Variants in HSPBP1 observed in about 807,000 individuals in gnomAD.
HSPBP1 encodes the protein hsp70-binding protein 1.
In HSPBP1, 31 loss-of-function variants were observed where a neutral mutation model predicts 41.7. The observed-to-expected ratio is 0.74, with a 90% CI of 0.56 to 1.00. The LOEUF (loss-of-function observed/expected upper bound fraction) is 1.00. HSPBP1 is among the 50% of genes least tolerant of loss of function. HSPBP1 has a pLI of 0.00. For missense variants in HSPBP1, 439 were observed against 487.9 expected, an observed-to-expected ratio of 0.90 and a Z score of 0.94; for synonymous variants, 199 against 214.4, an observed-to-expected ratio of 0.93 and a Z score of 0.63.
chr19:55,265,173 C>T, intron 7 of HSPBP1, 105 bp downstream of exon 7: 1 of 429,400 alleles, frequency 2.3e-6, no homozygotes, highest in South Asian at 2.3e-5. Context: ...GGCACCTGAT[C>T]CTCCTCGAAC....
intron 3 of HSPBP1, among the ~76,000 whole-genome samples, chr19:55,275,739 G>A (rs891480568): frequency 6.6e-6 from 1 of 151,890 alleles, no homozygotes; most frequent in Non-Finnish European, 1.5e-5. Flanking sequence ...CACGAGGTCA[G>A]GAATTCAAGA....
At chr19:55,279,942 C>T in intron 1 of HSPBP1, 93 bp downstream of exon 1, 1 of 437,980 alleles carries the variant, frequency 2.3e-6, no homozygotes, top group Non-Finnish European at 4.2e-6. Flanking sequence ...CACTGCTCCG[C>T]CTCCGTAGCA....
rs775274161 is a variant in HSPBP1, at chr19:55,277,797, C to G, written c.260G>C (p.Arg87Pro). Residue 87 changes from arginine to proline, a missense_variant, in exon 3 of 8, where the codon CGG (arginine) becomes CCG (proline). Transcript: ENST00000433386. ...EAMSAAFRGQ[R>P]EEVEQMKSCL... ...GCTCTTCATCTGCTCCACCTCCTCC[C>G]GCTGGCCTCGGAAGGCAGCCGACAT... 6.3e-7 allele frequency: 1 copy of G among 1,597,064 alleles called. No individual in the cohort carries two copies.
rs1275755393 is a variant in HSPBP1, at chr19:55,278,910, A to C, written c.210+489T>G. ...GCCGAGACTGTGTCCTCCACCCCCA[A>C]CCCTGCCCCCACCAAAAAAAAAAAA... On this transcript the variant is annotated intron_variant, in intron 2 of 7. Transcript: ENST00000433386. Among the ~76,000 whole-genome samples the C allele has an allele frequency of 3.6e-3, 281 of 78,564 alleles. 1 individual carries two copies. Among genetic ancestry groups the C allele is most frequent in the East Asian group, 9.1e-3 (25 of 2,748 alleles). The allele number at this position is 78,564 out of a possible 152,430, so 51.5% of individuals were successfully genotyped here. A position where few individuals can be genotyped will look rare whatever the true frequency, so the allele number is the denominator to read the frequency against.
chr19:55,262,293 C>T lies in HSPBP1; in HGVS notation c.*315G>A, dbSNP rs2087665953. 1 of 1,047,552 alleles carries T rather than the reference C, an allele frequency of 9.5e-7. No homozygotes were observed. Among genetic ancestry groups the T allele is most frequent in the Non-Finnish European group, 1.2e-6 (1 of 846,942 alleles). The allele number at this position is 1,047,552 out of a possible 1,614,324, so 64.9% of individuals were successfully genotyped here. Reference sequence around the variant, plus strand: ...CAAGTCCCTTAAACCCGTGCCCCTCCTCCCGTCCCCCATGCACCCTCCAAA... The same window carrying T: ...CAAGTCCCTTAAACCCGTGCCCCTCTTCCCGTCCCCCATGCACCCTCCAAA... On this transcript the variant is annotated 3_prime_UTR_variant, in exon 8 of 8. Transcript: ENST00000433386.
rs1293711554 is a variant in HSPBP1 at position 55,262,585 on chromosome 19, A to AG, written c.*22dup. The AG allele has an allele frequency of 6.2e-7, 1 of 1,612,654 alleles. No homozygotes were observed. Among genetic ancestry groups the AG allele is most frequent in the South Asian group, 1.1e-5 (1 of 90,740 alleles). Reference sequence around the variant, plus strand: ...AAGAGGCCTGGGGTTCCCACGGAGAAGGGGGCAAGAAGCCACCTGGTTTCA... The same window carrying AG: ...AAGAGGCCTGGGGTTCCCACGGAGAAGGGGGGCAAGAAGCCACCTGGTTTCA... On this transcript the variant is annotated 3_prime_UTR_variant, in exon 8 of 8. Coordinates refer to ENST00000433386, the MANE Select transcript of HSPBP1 (RefSeq NM_012267.5).
At chr19:55,267,157 T>C (rs1345239482) in intron 4 of HSPBP1, among the ~76,000 whole-genome samples, 2 of 152,210 alleles carry the variant, frequency 1.3e-5, no homozygotes, top group African/African-American at 4.8e-5. Flanking sequence ...TTTACTTATT[T>C]ATTTCATTTT....
rs1036542377 is a variant in HSPBP1, at chr19:55,268,704, G to A, written c.641-2418C>T. 6.6e-6 allele frequency among the ~76,000 whole-genome samples: 1 copy of A among 151,916 alleles called. No homozygotes were observed. Among genetic ancestry groups the A allele is most frequent in the Non-Finnish European group, 1.5e-5 (1 of 67,990 alleles). On this transcript the variant is annotated intron_variant, in intron 4 of 7. Coordinates refer to ENST00000433386, the MANE Select transcript of HSPBP1 (RefSeq NM_012267.5). This position sits in a 1 kb window ranked among gnomAD's most constrained non-coding sequence, Gnocchi z 4.5. ...TATTTCATTTTTGAGACAGAGTCTC[G>A]CTCTGTCGCCCAGGCTGGAGTGCAG... is the stretch of plus-strand genomic sequence containing the variant.
rs61733819 is a variant in HSPBP1, at chr19:55,277,693, C to G, written c.364G>C (p.Gly122Arg). The G allele has an allele frequency of 1.6e-5, 25 of 1,605,676 alleles. No individual in the cohort carries two copies. Among genetic ancestry groups the G allele is most frequent in the African/African-American group, 1.5e-4 (11 of 74,830 alleles). The change falls in exon 3 of 8, where the codon GGG (glycine) becomes CGG (arginine). Residue 122 changes from glycine (G) to arginine (R), a missense_variant. Coordinates refer to ENST00000433386, the MANE Select transcript of HSPBP1 (RefSeq NM_012267.5). ...AGGTCGGCCAGCAGCTCCAGGGCCC[C>G]CTCTCGCTCTTGCTGGTCGGCCGCC... ...EQAADQQERE[G>R]ALELLADLCE...
chr19:55,274,430 G>A lies in HSPBP1; in HGVS notation c.608C>T (p.Thr203Met), dbSNP rs756841813. The A allele has an allele frequency of 1.0e-5, 14 of 1,336,546 alleles. No individual in the cohort carries two copies. The highest frequency in any genetic ancestry group is 3.2e-5 in the African/African-American group (2 of 61,668). 82.8% of individuals were successfully genotyped at this position (1,336,546 alleles called of 1,614,324 possible). Residue 203 changes from threonine (T) to methionine (M), a missense_variant, in exon 4 of 8, where the codon ACG (threonine) becomes ATG (methionine). Physicochemically the swap from Thr to Met is moderately conservative, Grantham distance 81 (BLOSUM62 -1). Transcript: ENST00000433386. The part of the protein sequence containing the change: ...LRLLDRDACD[T>M]VRVKALFAIS... ...GGCGAAGAGGGCCTTGACGCGCACCGTGTCGCAGGCGTCGCGGTCCAGCAG... is the reference window on the plus strand; with the variant it reads ...GGCGAAGAGGGCCTTGACGCGCACCATGTCGCAGGCGTCGCGGTCCAGCAG...
In HSPBP1 at chr19:55,266,132, T is replaced by C; in HGVS notation, c.795A>G (p.Lys265=). The C allele has an allele frequency of 6.2e-7, 1 of 1,601,712 alleles. No homozygotes were observed. The highest frequency in any genetic ancestry group is 8.5e-7 in the Non-Finnish European group (1 of 1,174,432). Residue 265 remains lysine, a splice_region_variant and synonymous_variant, in exon 5 of 8, where the codon AAA becomes AAG. Transcript: ENST00000433386. ...GCCCTCACTCAAGGGCTGCCACACCTTTGTGTTCAGGGTGGCCCACCAGCA... is the reference window on the plus strand; with the variant it reads ...GCCCTCACTCAAGGGCTGCCACACCCTTGTGTTCAGGGTGGCCCACCAGCA... ...QNLLVGHPEH[K]GTLCSMGMVQ...
At chr19:55,271,444 T>A (rs1168557667) in intron 4 of HSPBP1, among the ~76,000 whole-genome samples, 1 of 152,174 alleles carries the variant, frequency 6.6e-6, no homozygotes, top group Non-Finnish European at 1.5e-5. Flanking sequence ...GCTCTGGCCC[T>A]CGGGACACCA....
At chr19:55,263,967 CTTTTT>C (rs201171002) in intron 7 of HSPBP1, among the ~76,000 whole-genome samples, 3 of 130,480 alleles carry the variant, frequency 2.3e-5, no homozygotes, top group South Asian at 2.4e-4. Flanking sequence ...ATGTAGTACA[CTTTTT>C]TTTTTTTTTT....
intron 4 of HSPBP1, among the ~76,000 whole-genome samples, chr19:55,273,829 C>A (rs530625497): frequency 6.6e-6 from 1 of 152,048 alleles, no homozygotes; most frequent in Admixed American, 6.6e-5. Flanking sequence ...AACCTCAACA[C>A]TTTCAGAGGC....
At chr19:55,264,709 A>G (rs951353271) in intron 7 of HSPBP1, among the ~76,000 whole-genome samples, 1 of 152,196 alleles carries the variant, frequency 6.6e-6, no homozygotes, top group Non-Finnish European at 1.5e-5. Context: ...TAATAATTCA[A>G]TGATTGGGCA....
chr19:55,265,246 T>G, intron 7 of HSPBP1, 32 bp downstream of exon 7: 6 of 1,139,804 alleles, frequency 5.3e-6, no homozygotes, highest in Non-Finnish European at 6.0e-6. Context: ...TTGCACCTGG[T>G]CCTCCTTGCA....
rs1227448332 is a variant in HSPBP1, at chr19:55,265,267, T to TC, written c.1005+10dup. 2.1e-6 allele frequency: 3 copies of TC among 1,418,768 alleles called. No homozygotes were observed. The highest frequency in any genetic ancestry group is 2.8e-6 in the Non-Finnish European group (3 of 1,059,564). 87.9% of individuals were successfully genotyped at this position (1,418,768 alleles called of 1,614,324 possible). A position where few individuals can be genotyped will look rare whatever the true frequency, so the allele number is the denominator to read the frequency against. On this transcript the variant is annotated intron_variant, in intron 7 of 7. Coordinates refer to ENST00000433386, the MANE Select transcript of HSPBP1 (RefSeq NM_012267.5). ...CTGGTCCTCCTTGCACCCCGTCCCC[T>TC]CCCCATGTACCTGGTACTCCTCATG...
chr19:55,266,741 T>C (rs1158063066), intron 4 of HSPBP1, among the ~76,000 whole-genome samples: 3 of 152,138 alleles, frequency 2.0e-5, no homozygotes, highest in Non-Finnish European at 4.4e-5. Flanking sequence ...GCTTTTGAGA[T>C]ATAATTCACA....
At chr19:55,266,060 C>T in intron 5 of HSPBP1, 71 bp downstream of exon 5, 2 of 1,565,916 alleles carry the variant, frequency 1.3e-6, no homozygotes, top group Non-Finnish European at 1.7e-6. Flanking sequence ...TGTTCCTCCC[C>T]TTCTCCCACA....
Sources: allele counts gnomAD v4.1 joint callset (sites outside exome capture counted in the v4.1 genomes callset), GRCh38; gene constraint gnomAD v4.1.1; non-coding constraint Gnocchi (gnomAD v3.1); transcripts MANE v1.5; gene names NCBI Gene and HGNC (gene_info 2026-07-23, HGNC 2026-07-21).